GEMIN2: variants seen among roughly 807,000 people sequenced by gnomAD.
The protein encoded by GEMIN2 is gem nuclear organelle associated protein 2.
GEMIN2 carries 37 observed loss-of-function variants against 45.8 expected under a neutral mutation model. The ratio of observed to expected loss-of-function variants is 0.81; its 90% CI spans 0.62 to 1.06. The LOEUF (loss-of-function observed/expected upper bound fraction) is 1.06, where lower values mean the gene tolerates loss of function less well. Ranked by LOEUF, GEMIN2 falls within the 50% of genes least tolerant of loss-of-function variation. The pLI is 0.00. For synonymous variants in GEMIN2, 101 were observed against 111.5 expected (o/e 0.91, Z 0.60); for missense variants, 335 against 321.8 (o/e 1.04, Z -0.31).
intron 8 of GEMIN2, 125 bp from the exon 9 acceptor site, chr14:39,133,536 T>G (rs2052747166): frequency 2.2e-6 from 1 of 452,048 alleles, no homozygotes; most frequent in Non-Finnish European, 3.8e-6. Context: ...GGGCTCCTAT[T>G]TCCACATGAT....
chr14:39,124,430 T>G (rs1021935978), intron 5 of GEMIN2, among the ~76,000 whole-genome samples: 3 of 152,168 alleles, frequency 2.0e-5, no homozygotes, highest in African/African-American at 7.2e-5. Flanking sequence ...GTAAAAAATT[T>G]TTAGTCTTTA....
chr14:39,126,116 C>G (rs8011494), intron 6 of GEMIN2, among the ~76,000 whole-genome samples: 44,403 of 151,000 alleles, frequency 0.29, 7,635 homozygotes, highest in Non-Finnish European at 0.38. Flanking sequence ...AGTAAGGACT[C>G]TTATTCATTT....
chr14:39,118,623 G>A, intron 4 of GEMIN2, 24 bp downstream of exon 4: 1 of 1,065,286 alleles, frequency 9.4e-7, no homozygotes, highest in Non-Finnish European at 1.5e-6. Flanking sequence ...TCAGTTTTAA[G>A]ATGTACAATG....
In GEMIN2 at chr14:39,133,682, G is replaced by C. The variant is rs370141123; in HGVS notation, c.733G>C (p.Val245Leu). ...LLVDSKDDERVPALNLLICLV... is the reference protein window; with the variant it reads ...LLVDSKDDERLPALNLLICLV... Reference sequence around the variant, plus strand: ...TTAGGATAGCAAAGATGATGAGAGGGTTCCTGCTTTGAATTTATTAATCTG... The same window carrying C: ...TTAGGATAGCAAAGATGATGAGAGGCTTCCTGCTTTGAATTTATTAATCTG... The change falls in exon 9 of 10, where the codon GTT (valine) becomes CTT (leucine). Residue 245 changes from valine (V) to leucine (L), a missense_variant. Transcript: ENST00000308317. 24 of 1,524,390 alleles carry C rather than the reference G, an allele frequency of 1.6e-5. No homozygotes were observed. The highest frequency in any genetic ancestry group is 2.0e-5 in the Non-Finnish European group (22 of 1,125,298). The allele number at this position is 1,524,390 out of a possible 1,614,324, so 94.4% of individuals were successfully genotyped here.
chr14:39,123,609 T>G (rs2052601180), intron 5 of GEMIN2, among the ~76,000 whole-genome samples: 1 of 148,900 alleles, frequency 6.7e-6, no homozygotes. Flanking sequence ...CTTAGGGAAG[T>G]TAATTTGGTA....
intron 8 of GEMIN2, among the ~76,000 whole-genome samples, chr14:39,132,595 A>C (rs180984836): frequency 1.4e-5 from 2 of 143,580 alleles, no homozygotes; most frequent in East Asian, 4.6e-4. Context: ...CACACCTTTG[A>C]GTTTTGTCAT....
chr14:39,124,003 C>T (rs544489900), intron 5 of GEMIN2, among the ~76,000 whole-genome samples: 1 of 151,836 alleles, frequency 6.6e-6, no homozygotes, highest in South Asian at 2.1e-4. Context: ...AGGCAATCCT[C>T]CTGCTGGGAT....
chr14:39,121,877 TA>T (rs71404902), intron 4 of GEMIN2: 3 of 164,338 alleles, frequency 1.8e-5, no homozygotes, highest in Admixed American at 1.2e-4. Context: ...CACATCCGGC[TA>T]ATTTTTTTTT....
At chr14:39,121,564 C>A (rs1042321151) in intron 4 of GEMIN2, among the ~76,000 whole-genome samples, 2 of 152,124 alleles carry the variant, frequency 1.3e-5, no homozygotes, top group Non-Finnish European at 2.9e-5. Context: ...AACAACATGT[C>A]CCACATATTG....
At chr14:39,116,962 GTA>G (rs951410656) in intron 2 of GEMIN2, among the ~76,000 whole-genome samples, 2 of 152,096 alleles carry the variant, frequency 1.3e-5, no homozygotes, top group African/African-American at 4.8e-5. Flanking sequence ...TGCTCAGGCT[GTA>G]TGTGCTCTTT....
chr14:39,122,293 G>C, intron 4 of GEMIN2, 137 bp from the exon 5 acceptor site: 1 of 601,886 alleles, frequency 1.7e-6, no homozygotes, highest in Non-Finnish European at 3.0e-6. Context: ...TTTGGGGGCA[G>C]AGATTCTCCC....
intron 9 of GEMIN2, among the ~76,000 whole-genome samples, chr14:39,135,459 G>A (rs1033703151): frequency 6.6e-6 from 1 of 152,050 alleles, no homozygotes; most frequent in Admixed American, 6.6e-5. Flanking sequence ...GGTGGTTCAC[G>A]CCTGTAATCC....
chr14:39,135,514 A>G (rs909804425), intron 9 of GEMIN2, among the ~76,000 whole-genome samples: 1 of 151,794 alleles, frequency 6.6e-6, no homozygotes, highest in Non-Finnish European at 1.5e-5. Context: ...TGAACCTGGG[A>G]GGTGGAGGTT....
At chr14:39,119,749 CTGCATACCATTTGG>C (rs2139336286) in intron 4 of GEMIN2, among the ~76,000 whole-genome samples, 1 of 152,354 alleles carries the variant, frequency 6.6e-6, no homozygotes, top group African/African-American at 2.4e-5. Flanking sequence ...CTGTATGCTT[CTGCATACCATTTGG>C]AAGCTCTGCT....
intron 7 of GEMIN2, among the ~76,000 whole-genome samples, chr14:39,130,225 G>A (rs1460270020): frequency 1.3e-5 from 2 of 151,734 alleles, no homozygotes; most frequent in African/African-American, 2.4e-5. Context: ...AAAGAAACCT[G>A]GATTTGAATC....
intron 6 of GEMIN2, among the ~76,000 whole-genome samples, chr14:39,125,424 T>TA (rs1157545288): frequency 6.6e-6 from 1 of 152,104 alleles, no homozygotes; most frequent in Admixed American, 6.6e-5. Flanking sequence ...GTCCCTGACT[T>TA]ACAATGGTTC....
At chr14:39,130,458 T>G (rs139638654) in intron 7 of GEMIN2, among the ~76,000 whole-genome samples, 2 of 151,872 alleles carry the variant, frequency 1.3e-5, no homozygotes, top group African/African-American at 4.9e-5. Flanking sequence ...TGAAAAACCT[T>G]GATGAATATA....
intron 4 of GEMIN2, among the ~76,000 whole-genome samples, chr14:39,120,583 G>A (rs559240899): frequency 2.0e-5 from 3 of 151,972 alleles, no homozygotes; most frequent in Admixed American, 6.6e-5. Flanking sequence ...GTTTAACTTT[G>A]TAGTGGTCTC....
At chr14:39,128,104 A>G in intron 6 of GEMIN2, among the ~76,000 whole-genome samples, 176 bp from the exon 7 acceptor site, 1 of 149,338 alleles carries the variant, frequency 6.7e-6, no homozygotes, top group Non-Finnish European at 1.5e-5. Context: ...GCCTCATTGG[A>G]TAAGCCGCCT....
Sources: gnomAD v4.1 joint callset for allele counts (sites outside exome capture counted in the v4.1 genomes callset) on GRCh38, gnomAD v4.1.1 for gene constraint, MANE v1.5 for transcripts, NCBI Gene and HGNC (gene_info 2026-07-23, HGNC 2026-07-21) for gene names.